Variants in MYO3B observed in about 807,000 individuals in gnomAD.
MYO3B encodes myosin IIIB.
In MYO3B, 156 loss-of-function variants were observed where a neutral mutation model predicts 174.6. The observed-to-expected ratio is 0.89, with a 90% confidence interval of 0.78 to 1.02. The LOEUF is 1.02. Ranked by LOEUF, MYO3B falls within the 50% of genes least tolerant of loss-of-function variation. The pLI is 0.00. For synonymous variants in MYO3B, 563 were observed against 569.1 expected (o/e 0.99, Z 0.15); for missense variants, 1,632 against 1,639.4 (o/e 1.00, Z 0.08).
At chr2:170,516,642 C>CAAAA (rs35780085) in intron 29 of MYO3B, among the ~76,000 whole-genome samples, 1 of 108,224 alleles carries the variant, frequency 9.2e-6, no homozygotes, top group African/African-American at 3.2e-5. Flanking sequence ...GACTCCGTCT[C>CAAAA]AAAAAAAAAA....
chr2:170,544,863 T>C lies in MYO3B; in HGVS notation c.3733+875T>C, dbSNP rs150334044. 3.8e-3 allele frequency among the ~76,000 whole-genome samples: 580 copies of C among 152,270 alleles called. 2 individuals are homozygous for C. Among genetic ancestry groups the C allele is most frequent in the South Asian group, 8.1e-3 (39 of 4,828 alleles). On this transcript the variant is annotated intron_variant, in intron 32 of 34. Transcript: ENST00000408978. ...CCCGACAAAGGAAATATTTTCCTCA[T>C]AGGCAGACAGTATTCAGGAATAAGG...
chr2:170,344,715 A>G (rs1283767297), intron 8 of MYO3B: 3 of 152,198 alleles, frequency 2.0e-5, no homozygotes, highest in Admixed American at 6.5e-5. Context: ...GAGATACAGA[A>G]TGAAAGCTCA....
intron 7 of MYO3B, among the ~76,000 whole-genome samples, chr2:170,240,916 C>T (rs1369156213): frequency 2.0e-5 from 3 of 152,172 alleles, no homozygotes; most frequent in Admixed American, 2.0e-4. Context: ...ATTTAGAACA[C>T]TTAAGGCAAG....
At chr2:170,354,057 T>C (rs550690489) in intron 8 of MYO3B, among the ~76,000 whole-genome samples, 1 of 152,370 alleles carries the variant, frequency 6.6e-6, no homozygotes, top group African/African-American at 2.4e-5. Flanking sequence ...ATGAAATTCG[T>C]GATCCATCTA....
rs185812611 is a variant in MYO3B, at chr2:170,397,693, A to G, written c.1792-2495A>G. Among the ~76,000 whole-genome samples, 130 of 152,156 alleles carry G rather than the reference A, an allele frequency of 8.5e-4. 1 individual carries two copies. Among genetic ancestry groups the G allele is most frequent in the Admixed American group, 7.6e-3 (116 of 15,282 alleles). Reference sequence around the variant, plus strand: ...TCTGGCACCAGCTGGGTGTCCTACAATTCACTCAATTCTGACCCTCTCCAC... The same window carrying G: ...TCTGGCACCAGCTGGGTGTCCTACAGTTCACTCAATTCTGACCCTCTCCAC... On this transcript the variant is annotated intron_variant, in intron 16 of 34. Coordinates refer to ENST00000408978, the MANE Select transcript of MYO3B (RefSeq NM_138995.5).
chr2:170,359,232 A>G (rs1686430271), intron 8 of MYO3B, among the ~76,000 whole-genome samples: 1 of 152,216 alleles, frequency 6.6e-6, no homozygotes, highest in South Asian at 2.1e-4. Flanking sequence ...ACATTTAGCT[A>G]CAGGCCCATC....
intron 7 of MYO3B, among the ~76,000 whole-genome samples, chr2:170,318,574 C>T (rs562678643): frequency 4.6e-5 from 7 of 152,124 alleles, no homozygotes; most frequent in East Asian, 1.9e-4. Flanking sequence ...TGGTCTCAAG[C>T]GAAATTTCCT....
chr2:170,446,431 C>G (rs1388862647), intron 23 of MYO3B, among the ~76,000 whole-genome samples: 1 of 152,146 alleles, frequency 6.6e-6, no homozygotes, highest in African/African-American at 2.4e-5. Flanking sequence ...CCTCCCTGTA[C>G]TATCTACCAT....
rs551790543 is a variant in MYO3B, at chr2:170,235,848, A to G, written c.604-143A>G. The G allele has an allele frequency of 2.5e-5, 23 of 931,320 alleles. No individual in the cohort carries two copies. In the East Asian group the frequency reaches 4.3e-4, roughly 18 times the overall value. 57.7% of individuals were successfully genotyped at this position (931,320 alleles called of 1,614,324 possible). A position where few individuals can be genotyped will look rare whatever the true frequency, so the allele number is the denominator to read the frequency against. On this transcript the variant is annotated intron_variant, in intron 6 of 34. Coordinates refer to ENST00000408978, the MANE Select transcript of MYO3B (RefSeq NM_138995.5). ...AATTGGTTATACACAAATAAGGCCTAGAATGCACACATCTTATTACTGGAA... is the reference window on the plus strand; with the variant it reads ...AATTGGTTATACACAAATAAGGCCTGGAATGCACACATCTTATTACTGGAA...
intron 7 of MYO3B, among the ~76,000 whole-genome samples, chr2:170,261,612 A>C (rs972697401): frequency 2.0e-5 from 3 of 152,214 alleles, no homozygotes; most frequent in African/African-American, 7.2e-5. Flanking sequence ...ATCCCATGAT[A>C]TGTGTGCTAA....
chr2:170,594,850 C>G (rs1694044298), intron 32 of MYO3B, among the ~76,000 whole-genome samples: 1 of 149,108 alleles, frequency 6.7e-6, no homozygotes, highest in Non-Finnish European at 1.5e-5. Context: ...CACACACACA[C>G]ACACACACTT....
chr2:170,471,990 TA>T (rs533804427), intron 25 of MYO3B, among the ~76,000 whole-genome samples: 2,100 of 127,972 alleles, frequency 0.016, 46 homozygotes, highest in East Asian at 0.092. Context: ...AAACTCTGTC[TA>T]AAAAAAAAAA....
At chr2:170,554,980 G>A (rs992893769) in intron 32 of MYO3B, among the ~76,000 whole-genome samples, 2 of 152,162 alleles carry the variant, frequency 1.3e-5, no homozygotes, top group African/African-American at 4.8e-5. Context: ...TCATTTTAAA[G>A]GATTCTTTCA....
In MYO3B at chr2:170,214,414, A is replaced by G. The variant is rs372190279; in HGVS notation, c.357A>G (p.Lys119=). The change falls in exon 4 of 35, where the codon AAA becomes AAG. Residue 119 remains lysine (K), a synonymous_variant. Coordinates refer to ENST00000408978, the MANE Select transcript of MYO3B (RefSeq NM_138995.5). ...GGGGCTCAGTCACTGAGCTTGTCAA[A>G]GGTCTACTCAGATGTGGCCAGCGGT... ...CNGGSVTELV[K]GLLRCGQRLD... 6 of 1,614,146 alleles carry G rather than the reference A, an allele frequency of 3.7e-6. No homozygotes were observed. Among genetic ancestry groups the G allele is most frequent in the Non-Finnish European group, 5.1e-6 (6 of 1,180,006 alleles).
At position 170,359,752 on chromosome 2, in the gene MYO3B, C is replaced by T. The variant is rs980952176; in HGVS notation, c.816-9470C>T. Among the ~76,000 whole-genome samples, 4 of 152,170 alleles carry T rather than the reference C, an allele frequency of 2.6e-5. No homozygotes were observed. In the South Asian group the frequency reaches 8.3e-4, roughly 32 times the overall value. Reference sequence around the variant, plus strand: ...TCATCTCTCATGTGAAACTCTTGCTCCTAGTTAGAATTATTTACTTCGTCT... The same window carrying T: ...TCATCTCTCATGTGAAACTCTTGCTTCTAGTTAGAATTATTTACTTCGTCT... On this transcript the variant is annotated intron_variant, in intron 8 of 34. Coordinates refer to ENST00000408978, the MANE Select transcript of MYO3B (RefSeq NM_138995.5).
rs1459464397 is a variant in MYO3B, at chr2:170,185,495, T to C, written c.2+7206T>C. Reference sequence around the variant, plus strand: ...TTCTGTGTTCTCTATTCTGTCCTATTGGTCTATATAACTGTTTTTATGCCA... The same window carrying C: ...TTCTGTGTTCTCTATTCTGTCCTATCGGTCTATATAACTGTTTTTATGCCA... On this transcript the variant is annotated intron_variant, in intron 1 of 34. Coordinates refer to ENST00000408978, the MANE Select transcript of MYO3B (RefSeq NM_138995.5). Among the ~76,000 whole-genome samples the C allele has an allele frequency of 2.0e-5, 3 of 152,192 alleles. No individual in the cohort carries two copies. In the East Asian group the frequency reaches 5.8e-4, roughly 29 times the overall value.
Position 170,211,993 on chromosome 2 carries a change from C to T in MYO3B, c.322-2386C>T, listed in dbSNP as rs547676394. On this transcript the variant is annotated intron_variant, in intron 3 of 34. Coordinates refer to ENST00000408978, the MANE Select transcript of MYO3B (RefSeq NM_138995.5). ...GTTCTGTGGCTCAGGCCTGTAATCC[C>T]AGCACCTTGGGAGGCCGAGGCTGGC... Among the ~76,000 whole-genome samples the T allele has an allele frequency of 4.0e-5, 6 of 151,158 alleles. No individual in the cohort carries two copies. In the East Asian group the frequency reaches 7.8e-4, roughly 20 times the overall value.
At chr2:170,383,281 A>T (rs964519901) in intron 11 of MYO3B, 92 bp downstream of exon 11, 2 of 799,780 alleles carry the variant, frequency 2.5e-6, no homozygotes, top group African/African-American at 3.4e-5. Flanking sequence ...GAATAAAATT[A>T]TGCTACCCTA....
At chr2:170,481,012 G>T (rs140912412) in intron 25 of MYO3B, among the ~76,000 whole-genome samples, 1 of 152,308 alleles carries the variant, frequency 6.6e-6, no homozygotes, top group Non-Finnish European at 1.5e-5. Flanking sequence ...TAAGGTTAGT[G>T]CCTACTCACA....
Sources: gnomAD v4.1 joint callset for allele counts (sites outside exome capture counted in the v4.1 genomes callset) on GRCh38, gnomAD v4.1.1 for gene constraint, MANE v1.5 for transcripts, NCBI Gene and HGNC (gene_info 2026-07-23, HGNC 2026-07-21) for gene names.